The following ROBO1 variants were observed in gnomAD, a reference collection of about 807,000 sequenced individuals.
The protein encoded by ROBO1 is roundabout guidance receptor 1, also known as roundabout homolog 1.
ROBO1 carries 149 observed loss-of-function variants against 195.9 expected under a neutral mutation model. The observed-to-expected ratio is 0.76, with a 90% CI of 0.67 to 0.87. The LOEUF is 0.87. Ranked by LOEUF, ROBO1 falls within the 40% of genes least tolerant of loss-of-function variation. ROBO1 has a pLI of 0.00. For missense variants in ROBO1, 1,933 were observed against 2,068.3 expected (o/e 0.93, Z 1.27); for synonymous variants, 816 against 733.2 (o/e 1.11, Z -1.82).
chr3:79,372,005 A>G (rs957605987), intron 2 of ROBO1, among the ~76,000 whole-genome samples: 9 of 152,052 alleles, frequency 5.9e-5, no homozygotes, highest in African/African-American at 2.2e-4. Context: ...GATCCCTTAC[A>G]TGTGCAGTTC....
At chr3:79,015,929 C>A (rs1263349633) in intron 3 of ROBO1, among the ~76,000 whole-genome samples, 1 of 152,158 alleles carries the variant, frequency 6.6e-6, no homozygotes, top group Non-Finnish European at 1.5e-5. Context: ...AAAAAAAGAA[C>A]TGACAACCAA....
intron 3 of ROBO1, among the ~76,000 whole-genome samples, chr3:78,955,720 T>C (rs1404512625): frequency 2.0e-5 from 3 of 152,196 alleles, no homozygotes; most frequent in African/African-American, 7.2e-5. Context: ...GAGTTACTAA[T>C]GTCTGCAAGA....
chr3:79,154,475 A>G (rs1242131063), intron 2 of ROBO1, among the ~76,000 whole-genome samples: 9 of 151,798 alleles, frequency 5.9e-5, no homozygotes, highest in Admixed American at 1.3e-4. Context: ...AGATGAGCTC[A>G]GTCAACATAG....
At chr3:79,099,158 A>G (rs2079627732) in intron 3 of ROBO1, among the ~76,000 whole-genome samples, 1 of 151,800 alleles carries the variant, frequency 6.6e-6, no homozygotes, top group Non-Finnish European at 1.5e-5. Flanking sequence ...TTAAAAATGG[A>G]AAGGAAACAT....
At chr3:79,064,685 T>A (rs1038945784) in intron 3 of ROBO1, among the ~76,000 whole-genome samples, 1 of 151,876 alleles carries the variant, frequency 6.6e-6, no homozygotes, top group Admixed American at 6.6e-5. Flanking sequence ...GAAATCAAAT[T>A]ACGTAATTTC....
intron 22 of ROBO1, among the ~76,000 whole-genome samples, chr3:78,638,191 ATGTGTGTATG>A (rs1322526347): frequency 7.0e-6 from 1 of 142,422 alleles, no homozygotes; most frequent in Non-Finnish European, 1.6e-5. Flanking sequence ...GTGTATATAT[ATGTGTGTATG>A]TGTGTATATA....
chr3:78,995,839 A>C (rs2077352680), intron 3 of ROBO1, among the ~76,000 whole-genome samples: 1 of 152,050 alleles, frequency 6.6e-6, no homozygotes, highest in Admixed American at 6.6e-5. Context: ...CAAGCCCCTA[A>C]ATTAGAGAAT....
chr3:79,369,125 T>G (rs1218718748), intron 2 of ROBO1, among the ~76,000 whole-genome samples: 1 of 152,146 alleles, frequency 6.6e-6, no homozygotes, highest in Admixed American at 6.5e-5. Context: ...GAGAAAATAT[T>G]GTTTTGTGTA....
chr3:78,856,354 A>G (rs2034434387), intron 4 of ROBO1, among the ~76,000 whole-genome samples: 1 of 151,924 alleles, frequency 6.6e-6, no homozygotes, highest in Non-Finnish European at 1.5e-5. Context: ...AACCACATAA[A>G]CAAAGTGAAT....
chr3:78,903,482 TA>T (rs11293356), intron 4 of ROBO1, among the ~76,000 whole-genome samples: 59,691 of 144,848 alleles, frequency 0.41, 12,782 homozygotes, highest in African/African-American at 0.58. Context: ...CCACTTTTAA[TA>T]AAAAAAAAAG....
chr3:79,167,740 A>G (rs2081094329), intron 2 of ROBO1, among the ~76,000 whole-genome samples: 1 of 152,216 alleles, frequency 6.6e-6, no homozygotes. Context: ...GGTAATTAAG[A>G]TGTTTGAAGA....
Position 78,668,140 on chromosome 3 carries a change from G to C in ROBO1, c.1793C>G (p.Ala598Gly), listed in dbSNP as rs765827912. ...GATPTSYIIEAFSHASGSSWQ... is the reference protein window; with the variant it reads ...GATPTSYIIEGFSHASGSSWQ... ...AGCATCTCCTTCACTCTACCTGAAG[G>C]CTTCTATAATATAAGATGTTGGAGT... The change falls in exon 13 of 31, where the codon GCC becomes GGC. Residue 598 changes from alanine (A) to glycine (G), a missense_variant. Around this residue, in one of 3 missense-constraint regions of ROBO1, gnomAD observed 1,737 missense variants for 1,882.5 expected, o/e 0.92. Coordinates refer to ENST00000464233, the MANE Select transcript of ROBO1 (RefSeq NM_002941.4). 30 of 1,613,288 alleles carry C rather than the reference G, an allele frequency of 1.9e-5. No homozygotes were observed. Among genetic ancestry groups the C allele is most frequent in the East Asian group, 4.5e-5 (2 of 44,872 alleles).
At chr3:79,136,153 A>G (rs2080404207) in intron 2 of ROBO1, among the ~76,000 whole-genome samples, 1 of 152,230 alleles carries the variant, frequency 6.6e-6, no homozygotes, top group African/African-American at 2.4e-5. Flanking sequence ...ATTGTTTATC[A>G]TCCCATGGTA....
chr3:79,756,508 C>A (rs892545323), intron 1 of ROBO1, among the ~76,000 whole-genome samples: 18 of 145,332 alleles, frequency 1.2e-4, no homozygotes, highest in Non-Finnish European at 2.4e-4. Flanking sequence ...CGAGATGGTG[C>A]CACTGCACTC....
At chr3:79,180,756 C>T (rs751473128) in intron 2 of ROBO1, among the ~76,000 whole-genome samples, 8 of 152,078 alleles carry the variant, frequency 5.3e-5, no homozygotes, top group Non-Finnish European at 1.0e-4. Context: ...TATGATGGGT[C>T]ATGACTGGGT....
chr3:79,463,581 G>A (rs1360981429), intron 2 of ROBO1, among the ~76,000 whole-genome samples: 1 of 152,008 alleles, frequency 6.6e-6, no homozygotes. Flanking sequence ...TTAGCTTGAA[G>A]CCAACTTTAG....
At chr3:79,498,369 T>C (rs1939863828) in intron 2 of ROBO1, among the ~76,000 whole-genome samples, 1 of 152,172 alleles carries the variant, frequency 6.6e-6, no homozygotes, top group South Asian at 2.1e-4. Context: ...CACTTAAAAC[T>C]ATGTTATTAT....
intron 3 of ROBO1, among the ~76,000 whole-genome samples, chr3:78,985,677 A>G (rs2077090824): frequency 6.6e-6 from 1 of 152,222 alleles, no homozygotes; most frequent in South Asian, 2.1e-4. Flanking sequence ...CTGGTGGCAG[A>G]GTTGTAACAG....
Position 78,938,791 on chromosome 3 carries a change from T to C in ROBO1, c.309A>G (p.Lys103=). ...TGTCTGTCTCCACTCTCTCTCCCCCTTTGTACCATTCAATAGTGGGTGTGG... is the reference window on the plus strand; with the variant it reads ...TGTCTGTCTCCACTCTCTCTCCCCCCTTGTACCATTCAATAGTGGGTGTGG... ...GRPTPTIEWY[K]GGERVETDKD... The change falls in exon 4 of 31, where the codon AAA becomes AAG. Residue 103 remains lysine, a synonymous_variant. Transcript: ENST00000464233. 2 of 1,613,984 alleles carry C rather than the reference T, an allele frequency of 1.2e-6. No individual in the cohort carries two copies. The highest frequency in any genetic ancestry group is 8.5e-7 in the Non-Finnish European group (1 of 1,179,894).
Sources: allele counts gnomAD v4.1 joint callset (sites outside exome capture counted in the v4.1 genomes callset), GRCh38; gene constraint gnomAD v4.1.1; regional missense constraint gnomAD v4.1.1; transcripts MANE v1.5; gene names NCBI Gene and HGNC (gene_info 2026-07-23, HGNC 2026-07-21).